Variants in UBE2B observed in about 807,000 individuals in gnomAD.
UBE2B encodes the protein ubiquitin conjugating enzyme E2 B.
In UBE2B, 11 loss-of-function variants were observed where a neutral mutation model predicts 24.6. That is an observed-to-expected ratio of 0.45 (90% CI 0.28 to 0.74). The LOEUF (loss-of-function observed/expected upper bound fraction) is 0.74, where lower values mean the gene tolerates loss of function less well. Ranked by LOEUF, UBE2B falls within the 30% of genes least tolerant of loss-of-function variation. The probability of loss-of-function intolerance (pLI) is 0.13; values close to 1 mark genes in which losing one functional copy is unlikely to be tolerated. For missense variants in UBE2B, 78 were observed against 185.6 expected (o/e 0.42, Z 3.37); for synonymous variants, 68 against 62.4 (o/e 1.09, Z -0.42).
intron 5 of UBE2B, among the ~76,000 whole-genome samples, chr5:134,389,268 C>T (rs556575877): frequency 6.6e-5 from 10 of 152,008 alleles, no homozygotes; most frequent in African/African-American, 1.7e-4. Flanking sequence ...ATCTTACAAG[C>T]GTTGTTTTTC....
At chr5:134,371,668 C>T (rs755737407) in intron 1 of UBE2B, 29 bp downstream of exon 1, 2 of 1,613,096 alleles carry the variant, frequency 1.2e-6, no homozygotes, top group African/African-American at 2.7e-5. Flanking sequence ...GCCTAGATGA[C>T]GGCCCCTCAA....
chr5:134,380,225 T>C (rs1758686603), intron 3 of UBE2B, among the ~76,000 whole-genome samples: 1 of 152,212 alleles, frequency 6.6e-6, no homozygotes. Context: ...TTATTTTTAA[T>C]GAAGATTTTC....
intron 4 of UBE2B, among the ~76,000 whole-genome samples, chr5:134,383,504 A>G (rs1414774929): frequency 2.0e-5 from 2 of 101,450 alleles, no homozygotes; most frequent in African/African-American, 4.8e-5. Flanking sequence ...TTTTTTTGAG[A>G]CAGAGTCTTG....
intron 1 of UBE2B, among the ~76,000 whole-genome samples, chr5:134,373,521 T>C (rs550735556): frequency 6.6e-6 from 1 of 152,286 alleles, no homozygotes; most frequent in South Asian, 2.1e-4. Flanking sequence ...CTAGGGTACA[T>C]GTGCACAACG....
At chr5:134,385,219 T>G (rs1758780391) in intron 4 of UBE2B, among the ~76,000 whole-genome samples, 1 of 152,234 alleles carries the variant, frequency 6.6e-6, no homozygotes, top group African/African-American at 2.4e-5. Flanking sequence ...CAGCTAAGTT[T>G]GATGTTTCTG....
intron 3 of UBE2B, 116 bp from the exon 4 acceptor site, chr5:134,380,603 A>C: frequency 1.5e-6 from 1 of 665,352 alleles, no homozygotes; most frequent in Non-Finnish European, 2.8e-6. Flanking sequence ...TGCCGAACCA[A>C]CGTTGACATA....
Position 134,390,275 on chromosome 5 carries a change from A to G in UBE2B, c.381A>G (p.Ala127=). ...NPNSPANSQA[A]QLYQENKREY... is the part of the protein sequence containing the mutation. ...ACAGTCCAGCCAATAGCCAGGCAGCACAGCTTTATCAGGAAAACAAACGAG... is the reference window on the plus strand; with the variant it reads ...ACAGTCCAGCCAATAGCCAGGCAGCGCAGCTTTATCAGGAAAACAAACGAG... The change falls in exon 6 of 6, where the codon GCA becomes GCG. Residue 127 remains alanine (A), a synonymous_variant. Coordinates refer to ENST00000265339, the MANE Select transcript of UBE2B (RefSeq NM_003337.4). This position sits in a 1 kb window ranked among gnomAD's most constrained non-coding sequence, Gnocchi z 4.6. 6.2e-7 allele frequency: 1 copy of G among 1,614,174 alleles called. No homozygotes were observed. The highest frequency in any genetic ancestry group is 8.5e-7 in the Non-Finnish European group (1 of 1,180,012).
chr5:134,383,171 T>A (rs1758738570), intron 4 of UBE2B, among the ~76,000 whole-genome samples: 1 of 152,116 alleles, frequency 6.6e-6, no homozygotes, highest in Non-Finnish European at 1.5e-5. Flanking sequence ...CTCAAAAAAA[T>A]AAATATTCTG....
Position 134,390,346 on chromosome 5 carries a change from A to G in UBE2B, c.452A>G (p.Asp151Gly). 6.2e-7 allele frequency: 1 copy of G among 1,614,096 alleles called. No homozygotes were observed. The highest frequency in any genetic ancestry group is 8.5e-7 in the Non-Finnish European group (1 of 1,179,984). Residue 151 changes from aspartate (D) to glycine (G), a missense_variant, in exon 6 of 6, where the codon GAT becomes GGT. Asp to Gly is a moderately conservative substitution (Grantham distance 94). Around this residue, in one of 2 missense-constraint regions of UBE2B, gnomAD observed 57 missense variants for 167.7 expected, o/e 0.34. Coordinates refer to ENST00000265339, the MANE Select transcript of UBE2B (RefSeq NM_003337.4). This position sits in a 1 kb window ranked among gnomAD's most constrained non-coding sequence, Gnocchi z 4.6. Reference protein sequence around the residue: ...VSAIVEQSWNDS With the variant: ...VSAIVEQSWNGS Reference sequence around the variant, plus strand: ...GCCATTGTTGAACAAAGCTGGAATGATTCATAATAGACAACTGGTCTGTTA... The same window carrying G: ...GCCATTGTTGAACAAAGCTGGAATGGTTCATAATAGACAACTGGTCTGTTA...
chr5:134,380,069 A>AC (rs1758684425), intron 3 of UBE2B, among the ~76,000 whole-genome samples: 2 of 151,668 alleles, frequency 1.3e-5, no homozygotes, highest in Admixed American at 6.6e-5. Context: ...GCACCCCCAT[A>AC]CCCAGCTCAT....
At chr5:134,388,482 C>A in intron 5 of UBE2B, 69 bp downstream of exon 5, 1 of 1,393,682 alleles carries the variant, frequency 7.2e-7, no homozygotes, top group Non-Finnish European at 1.0e-6. Flanking sequence ...CCTTAGCACA[C>A]AGGTAACCAA....
At chr5:134,381,225 CA>C (rs1264450522) in intron 4 of UBE2B, among the ~76,000 whole-genome samples, 3 of 151,876 alleles carry the variant, frequency 2.0e-5, no homozygotes, top group Non-Finnish European at 4.4e-5. Flanking sequence ...CTTGGCCTCC[CA>C]AAGTGCTGGG....
intron 2 of UBE2B, among the ~76,000 whole-genome samples, chr5:134,376,101 C>G (rs1030858800): frequency 6.7e-6 from 1 of 150,290 alleles, no homozygotes; most frequent in Non-Finnish European, 1.5e-5. Flanking sequence ...TGGGAGGCTG[C>G]GATGAGTGGA....
chr5:134,381,781 T>A (rs1233202192), intron 4 of UBE2B, among the ~76,000 whole-genome samples: 1 of 151,930 alleles, frequency 6.6e-6, no homozygotes, highest in Non-Finnish European at 1.5e-5. Context: ...CCATCACTAC[T>A]AAAAATACAA....
rs1052421293 is a variant in UBE2B at position 134,391,076 on chromosome 5, G to A, written c.*723G>A. The A allele has an allele frequency of 7.2e-5, 11 of 152,592 alleles. No homozygotes were observed. Among genetic ancestry groups the A allele is most frequent in the Non-Finnish European group, 1.3e-4 (9 of 68,034 alleles). The allele number at this position is 152,592 out of a possible 1,614,324, so 9.5% of individuals were successfully genotyped here. ...TTACTGTTAAAACTGTACCTTTTGC[G>A]ATTTCACAGTTGGCACTTCTGCCAT... is the stretch of plus-strand genomic sequence containing the variant. On this transcript the variant is annotated 3_prime_UTR_variant, in exon 6 of 6. Coordinates refer to ENST00000265339, the MANE Select transcript of UBE2B (RefSeq NM_003337.4).
In UBE2B at chr5:134,383,649, C is replaced by T. The variant is rs34739487; in HGVS notation, c.241+2841C>T. 9.4e-3 allele frequency among the ~76,000 whole-genome samples: 1,427 copies of T among 151,752 alleles called. 12 individuals are homozygous for T. Among genetic ancestry groups the T allele is most frequent in the African/African-American group, 0.03 (1,261 of 41,368 alleles). On this transcript the variant is annotated intron_variant, in intron 4 of 5. Transcript: ENST00000265339. Reference sequence around the variant, plus strand: ...CTAATTTTTATATTTTTAGTAGAGACGGGGTTTCACCATGTTGGCCAGGCT... The same window carrying T: ...CTAATTTTTATATTTTTAGTAGAGATGGGGTTTCACCATGTTGGCCAGGCT...
intron 4 of UBE2B, among the ~76,000 whole-genome samples, chr5:134,381,173 A>C: frequency 6.6e-6 from 1 of 151,688 alleles, no homozygotes; most frequent in African/African-American, 2.4e-5. Context: ...TCACCATGTT[A>C]GCCAGGATGG....
intron 4 of UBE2B, among the ~76,000 whole-genome samples, chr5:134,381,770 C>T (rs1444843432): frequency 6.6e-6 from 1 of 152,012 alleles, no homozygotes; most frequent in African/African-American, 2.4e-5. Context: ...ATGGTGAAAC[C>T]CCATCACTAC....
chr5:134,380,877 T>C (rs1161033951), intron 4 of UBE2B, 69 bp downstream of exon 4: 1 of 1,077,474 alleles, frequency 9.3e-7, no homozygotes, highest in Non-Finnish European at 1.4e-6. Context: ...TTTTAGCTCT[T>C]TCACCTTACT....
Sources: gnomAD v4.1 joint callset for allele counts (sites outside exome capture counted in the v4.1 genomes callset) on GRCh38, gnomAD v4.1.1 for gene constraint, gnomAD v4.1.1 regional missense constraint, Gnocchi (gnomAD v3.1) non-coding constraint, MANE v1.5 for transcripts, NCBI Gene and HGNC (gene_info 2026-07-23, HGNC 2026-07-21) for gene names.